The following PHF11 variants were observed in gnomAD, a reference collection of about 807,000 sequenced individuals.
The protein encoded by PHF11 is PHD finger protein 11.
PHF11 carries 38 observed loss-of-function variants against 40.5 expected under a neutral mutation model. That is an observed-to-expected ratio of 0.94 (90% CI 0.72 to 1.23). The LOEUF is 1.23. Among genes scored for constraint, PHF11 ranks in the 50% most tolerant of loss-of-function variants. The pLI, the probability that PHF11 is intolerant of heterozygous loss-of-function variation, is 0.00. For synonymous variants in PHF11, 127 were observed against 138.2 expected, an observed-to-expected ratio of 0.92 and a Z score of 0.57; for missense variants, 369 against 392.4, an observed-to-expected ratio of 0.94 and a Z score of 0.50.
intron 4 of PHF11, among the ~76,000 whole-genome samples, chr13:49,519,542 C>A (rs1420468130): frequency 1.3e-5 from 2 of 152,042 alleles, no homozygotes; most frequent in East Asian, 1.9e-4. Context: ...ACATGAGGCA[C>A]CTTGCTAGGT....
intron 1 of PHF11, among the ~76,000 whole-genome samples, chr13:49,503,559 C>T (rs768077603): frequency 7.9e-5 from 12 of 152,184 alleles, no homozygotes; most frequent in Non-Finnish European, 1.2e-4. Flanking sequence ...GTGACTGGTC[C>T]TATTGAGACA....
At chr13:49,515,829 T>C (rs1306123997) in intron 3 of PHF11, among the ~76,000 whole-genome samples, 1 of 152,216 alleles carries the variant, frequency 6.6e-6, no homozygotes, top group Non-Finnish European at 1.5e-5. Context: ...AATCAGTTTA[T>C]GTTCCCCGTG....
At chr13:49,523,843 T>C (rs942870) in intron 7 of PHF11, 136,288 of 272,222 alleles carry the variant, frequency 0.5, 35,018 homozygotes, top group Non-Finnish European at 0.54. Flanking sequence ...TTAATTCATA[T>C]AGTTATTGTA....
At chr13:49,515,910 TGATC>T (rs1285031379) in intron 3 of PHF11, among the ~76,000 whole-genome samples, 1 of 152,204 alleles carries the variant, frequency 6.6e-6, no homozygotes, top group Non-Finnish European at 1.5e-5. Flanking sequence ...CTTACCCCTT[TGATC>T]ATCCTGAGAC....
At chr13:49,508,019 T>C (rs1225833809) in intron 2 of PHF11, among the ~76,000 whole-genome samples, 1 of 151,380 alleles carries the variant, frequency 6.6e-6, no homozygotes, top group African/African-American at 2.4e-5. Flanking sequence ...GGAATTTTGA[T>C]TGGAATTGCA....
Position 49,523,237 on chromosome 13 carries a change from C to CT in PHF11, c.633_634insT (p.Thr212TyrfsTer11). ...AAGTGAAAGAAGAGCATGGCAGACA[C>CT]ACAGGTTTGCGCTAAGTGTTGTCTG... On this transcript the variant is annotated frameshift_variant, in exon 7 of 10. Transcript: ENST00000378319. LOFTEE classifies it high-confidence loss of function. 1.2e-6 allele frequency: 2 copies of CT among 1,604,028 alleles called. No individual in the cohort carries two copies. Among genetic ancestry groups the CT allele is most frequent in the Non-Finnish European group, 1.7e-6 (2 of 1,170,810 alleles).
chr13:49,522,268 T>C (rs749485017), intron 6 of PHF11, among the ~76,000 whole-genome samples, 161 bp downstream of exon 6: 61 of 152,224 alleles, frequency 4.0e-4, no homozygotes, highest in Admixed American at 2.0e-4. Flanking sequence ...CTCCTGAGGT[T>C]GCCTTTTTAG....
At chr13:49,526,602 A>G (rs868287578) in intron 9 of PHF11, 144 bp downstream of exon 9, 6 of 634,398 alleles carry the variant, frequency 9.5e-6, no homozygotes, top group Middle Eastern at 8.5e-4. Flanking sequence ...TTACAAAAAC[A>G]GTATGACCCC....
Position 49,528,837 on chromosome 13 carries a change from TTTTTTGCTCA to T in PHF11, c.*173_*182del. Reference sequence around the variant, plus strand: ...TGATCACTCTTTGCACACTCTTGTGTTTTTTGCTCACTGTCACATTCCCAGCACCTAGTAT... The same window carrying T: ...TGATCACTCTTTGCACACTCTTGTGTCTGTCACATTCCCAGCACCTAGTAT... On this transcript the variant is annotated 3_prime_UTR_variant, in exon 10 of 10. Transcript: ENST00000378319. 1 of 538,356 alleles carries T rather than the reference TTTTTTGCTCA, an allele frequency of 1.9e-6. No individual in the cohort carries two copies. Among genetic ancestry groups the T allele is most frequent in the Non-Finnish European group, 3.3e-6 (1 of 306,938 alleles). 33.3% of individuals were successfully genotyped at this position (538,356 alleles called of 1,614,324 possible).
intron 4 of PHF11, among the ~76,000 whole-genome samples, chr13:49,520,241 G>T (rs375433066): frequency 3.0e-4 from 46 of 152,214 alleles, no homozygotes; most frequent in African/African-American, 1.1e-3. Flanking sequence ...TAGAGGCGGG[G>T]TTTCACCATG....
At chr13:49,527,464 C>G (rs959123590) in intron 9 of PHF11, 6 of 152,206 alleles carry the variant, frequency 3.9e-5, no homozygotes, top group African/African-American at 1.4e-4. Flanking sequence ...ATATCCCTGT[C>G]TCAACATACA....
At chr13:49,501,020 T>TTTTTTTTTTTTTG (rs1958899143) in intron 1 of PHF11, among the ~76,000 whole-genome samples, 1 of 146,708 alleles carries the variant, frequency 6.8e-6, no homozygotes, top group Non-Finnish European at 1.5e-5. Context: ...TTTTTTGGTT[T>TTTTTTTTTTTTTG]TTTTTTTTCT....
At chr13:49,503,686 A>G (rs1958939465) in intron 1 of PHF11, among the ~76,000 whole-genome samples, 1 of 152,182 alleles carries the variant, frequency 6.6e-6, no homozygotes, top group Non-Finnish European at 1.5e-5. Context: ...TGGTTGCATA[A>G]AGCACATTAT....
Position 49,506,743 on chromosome 13 carries a change from A to T in PHF11, c.203A>T (p.His68Leu), listed in dbSNP as rs1292899285. Residue 68 changes from histidine to leucine, a missense_variant, in exon 2 of 10, where the codon CAT (histidine) becomes CTT (leucine). His to Leu is a moderately conservative substitution (Grantham distance 99). Transcript: ENST00000378319. ...GCACAATCAGAGAATATAGCTGCTC[A>T]TGAGAATTGTTTGGTAAGTTACTTG... ...YFAQSENIAA[H>L]ENCLLYSSGL... 1 of 1,608,328 alleles carries T rather than the reference A, an allele frequency of 6.2e-7. No individual in the cohort carries two copies. The highest frequency in any genetic ancestry group is 1.3e-5 in the African/African-American group (1 of 74,878).
At chr13:49,511,155 C>T (rs1417271627) in intron 2 of PHF11, among the ~76,000 whole-genome samples, 1 of 152,154 alleles carries the variant, frequency 6.6e-6, no homozygotes, top group African/African-American at 2.4e-5. Context: ...TATCATTCTT[C>T]ACAGTACTTA....
In PHF11 at chr13:49,527,728, AC is replaced by A. The variant is rs566961391; in HGVS notation, c.842-782del. 4.6e-5 allele frequency among the ~76,000 whole-genome samples: 7 copies of A among 152,332 alleles called. No homozygotes were observed. In the South Asian group the frequency reaches 1.5e-3, roughly 32 times the overall value. On this transcript the variant is annotated intron_variant, in intron 9 of 9. Transcript: ENST00000378319. ...TCTTTCATGTAAGGGAACATGTCAC[AC>A]ATCACTACTTGGATGGATTAGGTGG...
In PHF11 at chr13:49,504,658, C is replaced by T. The variant is rs1314702095; in HGVS notation, c.95-1977C>T. On this transcript the variant is annotated intron_variant, in intron 1 of 9. Transcript: ENST00000378319. Reference sequence around the variant, plus strand: ...GGTGAGAGGCGCCTCTGCCCGGCCGCCCCTACTAGGAAGTGAGGAGCCCCT... The same window carrying T: ...GGTGAGAGGCGCCTCTGCCCGGCCGTCCCTACTAGGAAGTGAGGAGCCCCT... Among the ~76,000 whole-genome samples the T allele has an allele frequency of 3.3e-5, 5 of 150,858 alleles. No individual in the cohort carries two copies. In the South Asian group the frequency reaches 1.1e-3, roughly 32 times the overall value.
At chr13:49,521,893 T>C in intron 5 of PHF11, 150 bp from the exon 6 acceptor site, 1 of 451,650 alleles carries the variant, frequency 2.2e-6, no homozygotes, top group Non-Finnish European at 4.0e-6. Context: ...AAATTAACCC[T>C]TTATCATAAG....
intron 5 of PHF11, 144 bp from the exon 6 acceptor site, chr13:49,521,899 A>G (rs1959189774): frequency 4.2e-6 from 2 of 471,114 alleles, no homozygotes; most frequent in South Asian, 3.8e-5. Context: ...ACCCTTTATC[A>G]TAAGTGCTGC....
Sources: allele counts gnomAD v4.1 joint callset (sites outside exome capture counted in the v4.1 genomes callset), GRCh38; gene constraint gnomAD v4.1.1; transcripts MANE v1.5; gene names NCBI Gene and HGNC (gene_info 2026-07-23, HGNC 2026-07-21).